NFIL3: variants seen among roughly 807,000 people sequenced by gnomAD.
NFIL3 encodes nuclear factor interleukin-3-regulated protein.
A neutral mutation model predicts 10.0 loss-of-function variants in NFIL3; 5 were observed. That is an observed-to-expected ratio of 0.50 (90% CI 0.26 to 1.06). The LOEUF (loss-of-function observed/expected upper bound fraction) is 1.06. Among genes scored for constraint, NFIL3 ranks in the 50% least tolerant of loss-of-function variants. The probability of loss-of-function intolerance (pLI) is 0.13; values close to 1 mark genes in which losing one functional copy is unlikely to be tolerated. For missense variants in NFIL3, 436 were observed against 547.6 expected, an observed-to-expected ratio of 0.80 and a Z score of 2.03; for synonymous variants, 202 against 206.5, an observed-to-expected ratio of 0.98 and a Z score of 0.19.
At chr9:91,433,291 T>C in the NFIL3 span, among the ~76,000 whole-genome samples, 1 of 152,226 alleles carries the variant, frequency 6.6e-6, no homozygotes, top group African/African-American at 2.4e-5. Context: ...ATCGGCAAAT[T>C]GCTGAGACTC....
the NFIL3 span, among the ~76,000 whole-genome samples, chr9:91,437,240 T>G: frequency 6.6e-6 from 1 of 152,214 alleles, no homozygotes; most frequent in East Asian, 1.9e-4. Context: ...TAAAACAGCT[T>G]TATTGAGTTA....
the NFIL3 span, among the ~76,000 whole-genome samples, chr9:91,462,375 C>G: frequency 6.6e-6 from 1 of 152,020 alleles, no homozygotes; most frequent in Non-Finnish European, 1.5e-5. Context: ...AAAGTTCCCT[C>G]TATTTCTTGT....
Position 91,410,841 on chromosome 9 carries a change from T to C in NFIL3, c.-107A>G, listed in dbSNP as rs762354678. On this transcript the variant is annotated 5_prime_UTR_variant, in exon 2 of 2. Coordinates refer to ENST00000297689, the MANE Select transcript of NFIL3 (RefSeq NM_005384.3). This position sits in a 1 kb window ranked among gnomAD's most constrained non-coding sequence, Gnocchi z 5.7. ...TTAAAATCCATCAATATTCTTCCTTTTGTTCTACCGTCTGGGATAAATCCG... is the reference window on the plus strand; with the variant it reads ...TTAAAATCCATCAATATTCTTCCTTCTGTTCTACCGTCTGGGATAAATCCG... 2.5e-6 allele frequency: 3 copies of C among 1,218,036 alleles called. No homozygotes were observed. The highest frequency in any genetic ancestry group is 3.4e-6 in the Non-Finnish European group (3 of 883,926). 75.5% of individuals were successfully genotyped at this position (1,218,036 alleles called of 1,614,324 possible).
At chr9:91,470,418 C>CTCTTTTCTGCTT in the NFIL3 span, among the ~76,000 whole-genome samples, 1 of 119,666 alleles carries the variant, frequency 8.4e-6, no homozygotes, top group Non-Finnish European at 1.7e-5. Flanking sequence ...TGATTCTTCT[C>CTCTTTTCTGCTT]TATTAGTCTT....
the NFIL3 span, among the ~76,000 whole-genome samples, chr9:91,467,748 C>T: frequency 3.3e-5 from 5 of 150,874 alleles, no homozygotes; most frequent in African/African-American, 1.2e-4. Context: ...CAAGTGTTCT[C>T]ATTGTTCAAT....
the NFIL3 span, among the ~76,000 whole-genome samples, chr9:91,446,656 C>A: frequency 6.6e-6 from 1 of 152,192 alleles, no homozygotes; most frequent in African/African-American, 2.4e-5. Context: ...AATATACTTT[C>A]TGTCTCCATA....
chr9:91,455,213 T>C, the NFIL3 span, among the ~76,000 whole-genome samples: 29,939 of 152,078 alleles, frequency 0.2, 3,511 homozygotes, highest in East Asian at 0.49. Context: ...TTTGAGACTA[T>C]GTGAATATAT....
chr9:91,428,300 T>A (rs917656820), upstream of NFIL3, among the ~76,000 whole-genome samples: 2 of 152,220 alleles, frequency 1.3e-5, no homozygotes, highest in Non-Finnish European at 2.9e-5. Context: ...GTCATTCAGA[T>A]CATTACTTCC....
chr9:91,453,241 A>G, the NFIL3 span, among the ~76,000 whole-genome samples: 70 of 150,200 alleles, frequency 4.7e-4, no homozygotes, highest in African/African-American at 1.7e-3. Flanking sequence ...GAAGCTAGAC[A>G]TATTAGATTA....
chr9:91,437,478 T>A, the NFIL3 span, among the ~76,000 whole-genome samples: 1 of 152,222 alleles, frequency 6.6e-6, no homozygotes, highest in African/African-American at 2.4e-5. Context: ...ATATTCGTCA[T>A]CTCACACAGT....
intron 1 of NFIL3, among the ~76,000 whole-genome samples, chr9:91,411,172 C>T (rs879669498): frequency 1.3e-5 from 2 of 152,154 alleles, no homozygotes; most frequent in African/African-American, 4.8e-5. Context: ...AATAAAATAA[C>T]CTCTGCCCAG....
chr9:91,480,508 A>G, the NFIL3 span, among the ~76,000 whole-genome samples: 1 of 152,168 alleles, frequency 6.6e-6, no homozygotes, highest in East Asian at 1.9e-4. Context: ...TTAAATTCCT[A>G]CCTCACAACA....
chr9:91,416,857 T>G (rs1833667344), intron 1 of NFIL3, among the ~76,000 whole-genome samples: 1 of 152,212 alleles, frequency 6.6e-6, no homozygotes, highest in South Asian at 2.1e-4. Flanking sequence ...CAAGATTTGA[T>G]TTAGAAAATT....
the NFIL3 span, among the ~76,000 whole-genome samples, chr9:91,467,032 G>A: frequency 2.0e-5 from 3 of 152,190 alleles, no homozygotes; most frequent in Non-Finnish European, 2.9e-5. Flanking sequence ...ACTGCATTGA[G>A]AGTCAAGCTA....
the NFIL3 span, among the ~76,000 whole-genome samples, chr9:91,431,218 T>C: frequency 6.6e-6 from 1 of 152,116 alleles, no homozygotes. Flanking sequence ...TTTAAATGCT[T>C]TTTTTCCCCC....
the NFIL3 span, among the ~76,000 whole-genome samples, chr9:91,446,647 A>G: frequency 6.6e-6 from 1 of 152,168 alleles, no homozygotes; most frequent in Non-Finnish European, 1.5e-5. Flanking sequence ...GTAATCTCTA[A>G]TATACTTTCT....
chr9:91,454,851 C>G, the NFIL3 span, among the ~76,000 whole-genome samples: 1 of 152,090 alleles, frequency 6.6e-6, no homozygotes, highest in East Asian at 1.9e-4. Context: ...CGAAACAAAA[C>G]AAAACCTCTC....
At chr9:91,482,457 TG>T in the NFIL3 span, among the ~76,000 whole-genome samples, 1 of 151,990 alleles carries the variant, frequency 6.6e-6, no homozygotes, top group Non-Finnish European at 1.5e-5. Flanking sequence ...ATGATGATGA[TG>T]ATGATGGTGA....
At chr9:91,466,577 T>C in the NFIL3 span, among the ~76,000 whole-genome samples, 1 of 152,188 alleles carries the variant, frequency 6.6e-6, no homozygotes, top group Non-Finnish European at 1.5e-5. Context: ...ATTTAAGCAT[T>C]GTTAATTTTA....
Sources: gnomAD v4.1 joint callset for allele counts (sites outside exome capture counted in the v4.1 genomes callset) on GRCh38, gnomAD v4.1.1 for gene constraint, Gnocchi (gnomAD v3.1) non-coding constraint, MANE v1.5 for transcripts, NCBI Gene and HGNC (gene_info 2026-07-23, HGNC 2026-07-21) for gene names.